DRD3: variants seen among roughly 807,000 people sequenced by gnomAD.
DRD3 encodes dopamine receptor D3, also known as D(3) dopamine receptor.
A neutral mutation model predicts 36.3 loss-of-function variants in DRD3; 19 were observed. That is an observed-to-expected ratio of 0.52 (90% CI 0.36 to 0.77). The LOEUF is 0.77. Among genes scored for constraint, DRD3 ranks in the 30% least tolerant of loss-of-function variants. DRD3 has a pLI of 0.00. For synonymous variants in DRD3, 195 were observed against 203.7 expected (o/e 0.96, Z 0.36); for missense variants, 465 against 505.3 (o/e 0.92, Z 0.77).
intron 1 of DRD3, among the ~76,000 whole-genome samples, chr3:114,173,895 A>C (rs1295712795): frequency 6.6e-6 from 1 of 152,170 alleles, no homozygotes; most frequent in Non-Finnish European, 1.5e-5. Flanking sequence ...CCCTCAAGCC[A>C]GGTATCTGTA....
At chr3:114,159,620 A>G (rs71653627) in intron 3 of DRD3, 135 bp downstream of exon 3, 25,824 of 680,982 alleles carry the variant, frequency 0.038, 621 homozygotes, top group East Asian at 0.054. Context: ...CATACTTTAA[A>G]AGAAAAAGAG....
intron 1 of DRD3, 21 bp from the exon 2 acceptor site, chr3:114,172,048 A>G (rs1223035130): frequency 7.3e-7 from 1 of 1,365,842 alleles, no homozygotes; most frequent in African/African-American, 1.5e-5. Context: ...ACAGAAAACA[A>G]TATTAATAAA....
chr3:114,189,734 C>T (rs1047209824), intron 1 of DRD3, among the ~76,000 whole-genome samples: 4 of 152,198 alleles, frequency 2.6e-5, no homozygotes, highest in African/African-American at 9.7e-5. Context: ...TAGGAGGCTT[C>T]ATACCTTTCT....
chr3:114,193,093 C>A (rs568617753), intron 1 of DRD3, among the ~76,000 whole-genome samples: 1 of 151,934 alleles, frequency 6.6e-6, no homozygotes, highest in African/African-American at 2.4e-5. Context: ...TCCTGGCTAA[C>A]ACGGTGAAAC....
chr3:114,150,166 A>ACACT (rs10685431), intron 3 of DRD3, among the ~76,000 whole-genome samples: 152,134 of 152,266 alleles, frequency 1, 76,001 homozygotes, highest in Non-Finnish European at 1. Flanking sequence ...ACTGATCCTG[A>ACACT]CACTCACAGC....
At chr3:114,197,149 G>T (rs1247712849) in intron 1 of DRD3, among the ~76,000 whole-genome samples, 5 of 147,392 alleles carry the variant, frequency 3.4e-5, no homozygotes, top group Admixed American at 1.4e-4. Flanking sequence ...ATCTTGCTCT[G>T]TTGTCCAGGT....
At chr3:114,197,995 T>C (rs865923279) in intron 1 of DRD3, among the ~76,000 whole-genome samples, 2 of 152,190 alleles carry the variant, frequency 1.3e-5, no homozygotes, top group African/African-American at 4.8e-5. Context: ...GAGATTTTGA[T>C]TGGGATTGCA....
chr3:114,156,227 C>T (rs2077665916), intron 3 of DRD3, among the ~76,000 whole-genome samples: 1 of 152,182 alleles, frequency 6.6e-6, no homozygotes, highest in South Asian at 2.1e-4. Context: ...GTGCTAACCT[C>T]CCTAAATCTC....
chr3:114,171,957 G>T lies in DRD3; in HGVS notation c.36C>A (p.Asn12Lys). 1 of 1,541,528 alleles carries T rather than the reference G, an allele frequency of 6.5e-7. No homozygotes were observed. Among genetic ancestry groups the T allele is most frequent in the Non-Finnish European group, 8.8e-7 (1 of 1,141,156 alleles). The change falls in exon 2 of 7, where the codon AAC becomes AAA. Residue 12 changes from asparagine to lysine, a missense_variant. Transcript: ENST00000383673. The stretch of plus-strand genomic sequence containing the variant: ...TGGAGTTCTCTGCCCCACAGGTGTA[G>T]TTCAGGTGGCCACTCAGCTGGCTCA... ...ASLSQLSGHLNYTCGAENSTG... is the reference protein window; with the variant it reads ...ASLSQLSGHLKYTCGAENSTG...
At chr3:114,189,017 A>G (rs1423924306) in intron 1 of DRD3, among the ~76,000 whole-genome samples, 2 of 152,222 alleles carry the variant, frequency 1.3e-5, no homozygotes, top group African/African-American at 2.4e-5. Context: ...TGCAAATTTT[A>G]TTCTAGTCTT....
intron 1 of DRD3, among the ~76,000 whole-genome samples, chr3:114,186,732 C>T (rs547850930): frequency 6.6e-6 from 1 of 152,328 alleles, no homozygotes; most frequent in South Asian, 2.1e-4. Flanking sequence ...TTCAAGGCTT[C>T]TCCTGGAAGT....
intron 4 of DRD3, among the ~76,000 whole-genome samples, chr3:114,143,569 C>A (rs1234401813): frequency 6.6e-6 from 1 of 152,106 alleles, no homozygotes; most frequent in Non-Finnish European, 1.5e-5. Context: ...TGGATTTGAC[C>A]CCAGCTTGAT....
At position 114,139,482 on chromosome 3, in the gene DRD3, C is replaced by A. The variant is rs1203310239; in HGVS notation, c.723+18G>T. On this transcript the variant is annotated intron_variant, in intron 5 of 6. Coordinates refer to ENST00000383673, the MANE Select transcript of DRD3 (RefSeq NM_000796.6). ...AGATTGGGTGTTGTCTTCCCTCTAC[C>A]CCCTCCAGGGTACTTACTTGCTGGG... is the stretch of plus-strand genomic sequence containing the variant. 5 of 1,607,184 alleles carry A rather than the reference C, an allele frequency of 3.1e-6. No homozygotes were observed. The highest frequency in any genetic ancestry group is 4.2e-6 in the Non-Finnish European group (5 of 1,176,484).
intron 1 of DRD3, among the ~76,000 whole-genome samples, chr3:114,184,664 C>CTTTTTTTTTTTTTTTTTTTTTTTTT (rs1553769533): frequency 7.3e-6 from 1 of 136,570 alleles, no homozygotes; most frequent in Non-Finnish European, 1.7e-5. Flanking sequence ...TTATGTTCTC[C>CTTTTTTTTTTTTTTTTTTTTTTTTT]TTCTTTTCCT....
chr3:114,186,004 T>C (rs1398346962), intron 1 of DRD3, among the ~76,000 whole-genome samples: 3 of 152,216 alleles, frequency 2.0e-5, no homozygotes, highest in South Asian at 2.1e-4. Context: ...GTTAGTGTTT[T>C]GTTTACTACT....
intron 4 of DRD3, among the ~76,000 whole-genome samples, chr3:114,145,853 G>A: frequency 6.6e-6 from 1 of 152,084 alleles, no homozygotes; most frequent in East Asian, 1.9e-4. Context: ...AAATTGCTGG[G>A]CTCATTTGTA....
At chr3:114,195,040 G>A (rs2078030018) in intron 1 of DRD3, among the ~76,000 whole-genome samples, 1 of 152,094 alleles carries the variant, frequency 6.6e-6, no homozygotes, top group Non-Finnish European at 1.5e-5. Flanking sequence ...ACTCATCAGT[G>A]ATTTTCTTTC....
chr3:114,187,799 C>T (rs551440492), intron 1 of DRD3, among the ~76,000 whole-genome samples: 165 of 152,274 alleles, frequency 1.1e-3, no homozygotes, highest in Non-Finnish European at 1.7e-3. Flanking sequence ...TTGGCTCAAA[C>T]TGTTACTTAT....
chr3:114,157,932 A>G (rs945914722), intron 3 of DRD3, among the ~76,000 whole-genome samples: 5 of 152,136 alleles, frequency 3.3e-5, no homozygotes, highest in Non-Finnish European at 7.4e-5. Context: ...GAGAAACCTC[A>G]TCTCTACTAA....
Sources: allele counts gnomAD v4.1 joint callset (sites outside exome capture counted in the v4.1 genomes callset), GRCh38; gene constraint gnomAD v4.1.1; transcripts MANE v1.5; gene names NCBI Gene and HGNC (gene_info 2026-07-23, HGNC 2026-07-21).